The following MAPK8IP3 variants were observed in gnomAD, a reference collection of about 807,000 sequenced individuals.
MAPK8IP3 encodes C-Jun-amino-terminal kinase-interacting protein 3.
A neutral mutation model predicts 157.8 loss-of-function variants in MAPK8IP3; 49 were observed. That is an observed-to-expected ratio of 0.31 (90% confidence interval 0.25 to 0.39). The LOEUF is 0.39. MAPK8IP3 is among the 10% of genes least tolerant of loss of function. The pLI is 1.00. For synonymous variants in MAPK8IP3, 897 were observed against 777.7 expected, an observed-to-expected ratio of 1.15 and a Z score of -2.55; for missense variants, 1,478 against 1,889.4, an observed-to-expected ratio of 0.78 and a Z score of 4.04.
In MAPK8IP3 at chr16:1,741,434, G is replaced by GGA. The variant is rs1567176202; in HGVS notation, c.603-1894_603-1893dup. Among the ~76,000 whole-genome samples the GGA allele has an allele frequency of 6.6e-6, 1 of 152,140 alleles. No individual in the cohort carries two copies. The highest frequency in any genetic ancestry group is 1.5e-5 in the Non-Finnish European group (1 of 68,010). ...GGCCCAGCATGGAGCTGTGTGGGTGGGAGAGCCGTACATGCATTCCCTTGG... is the reference window on the plus strand; with the variant it reads ...GGCCCAGCATGGAGCTGTGTGGGTGGGAGAGAGCCGTACATGCATTCCCTTGG... On this transcript the variant is annotated intron_variant, in intron 4 of 31. Coordinates refer to ENST00000610761, the MANE Select transcript of MAPK8IP3 (RefSeq NM_001318852.2). This position sits in a 1 kb window ranked among gnomAD's most constrained non-coding sequence, Gnocchi z 6.9.
intron 1 of MAPK8IP3, among the ~76,000 whole-genome samples, chr16:1,714,848 G>A (rs2038040648): frequency 6.6e-6 from 1 of 152,066 alleles, no homozygotes; most frequent in South Asian, 2.1e-4. Context: ...CGGAGGTTGG[G>A]GCTGATTAGG....
chr16:1,739,743 ACCGT>A (rs550875899), intron 4 of MAPK8IP3, among the ~76,000 whole-genome samples: 27 of 77,350 alleles, frequency 3.5e-4, no homozygotes, highest in East Asian at 7.6e-4. Flanking sequence ...TGTGTGTGTG[ACCGT>A]CCGTGTGTGA....
At chr16:1,725,900 T>C (rs1341894729) in intron 2 of MAPK8IP3, among the ~76,000 whole-genome samples, 1 of 152,112 alleles carries the variant, frequency 6.6e-6, no homozygotes, top group African/African-American at 2.4e-5. Flanking sequence ...GGTTTCACTG[T>C]GTTAGCCAGG....
chr16:1,768,359 GTTCT>G lies in MAPK8IP3; in HGVS notation c.3726_3729del (p.Phe1242LeufsTer12). The G allele has an allele frequency of 3.1e-6, 5 of 1,602,774 alleles. No individual in the cohort carries two copies. Among genetic ancestry groups the G allele is most frequent in the Non-Finnish European group, 4.2e-6 (5 of 1,179,594 alleles). ...TCCATGGGCACCGCGATGCCGTGAA[GTTCT>G]TTGTCTCGGTGCCAGGTGAGGCTGG... is the stretch of plus-strand genomic sequence containing the variant. On this transcript the variant is annotated frameshift_variant, in exon 30 of 32. Coordinates refer to ENST00000610761, the MANE Select transcript of MAPK8IP3 (RefSeq NM_001318852.2). LOFTEE classifies it high-confidence loss of function.
intron 4 of MAPK8IP3, among the ~76,000 whole-genome samples, chr16:1,737,945 ACTGTCCGTGT>A (rs2040155919): frequency 5.8e-5 from 3 of 51,302 alleles, no homozygotes; most frequent in Non-Finnish European, 7.0e-5. Flanking sequence ...CATCCGTGTG[ACTGTCCGTGT>A]GAGCGTCCGT....
rs934231092 is a variant in MAPK8IP3 at position 1,768,962 on chromosome 16, C to T, written c.*138C>T. 2.8e-5 allele frequency: 28 copies of T among 1,015,646 alleles called. No individual in the cohort carries two copies. The highest frequency in any genetic ancestry group is 7.1e-5 in the Admixed American group (3 of 42,376). The allele number at this position is 1,015,646 out of a possible 1,614,324, so 62.9% of individuals were successfully genotyped here. A position where few individuals can be genotyped will look rare whatever the true frequency, so the allele number is the denominator to read the frequency against. ...CTGCAGCTTTCACCTGAGTCTGGCC[C>T]CTCCAGCGGGCAGGGAGTGCGGGGA... is the stretch of plus-strand genomic sequence containing the variant. On this transcript the variant is annotated 3_prime_UTR_variant, in exon 32 of 32. Coordinates refer to ENST00000610761, the MANE Select transcript of MAPK8IP3 (RefSeq NM_001318852.2).
chr16:1,760,153 A>C (rs2041852250), intron 11 of MAPK8IP3, 138 bp downstream of exon 11: 1 of 1,053,216 alleles, frequency 9.5e-7, no homozygotes. Flanking sequence ...TGGCGGGAGG[A>C]ACTTGGAGCA....
chr16:1,724,169 T>G lies in MAPK8IP3; in HGVS notation c.319-388T>G, dbSNP rs549440646. Among the ~76,000 whole-genome samples the G allele has an allele frequency of 6.6e-6, 1 of 152,346 alleles. No individual in the cohort carries two copies. The highest frequency in any genetic ancestry group is 6.5e-5 in the Admixed American group (1 of 15,308). ...CTCTATGTTCAAAAATTAGCAACAT[T>G]TCAAGATGGCAGCAGCCAAGCCAAG... On this transcript the variant is annotated intron_variant, in intron 1 of 31. Coordinates refer to ENST00000610761, the MANE Select transcript of MAPK8IP3 (RefSeq NM_001318852.2). The surrounding 1 kb of genome is among the most constrained non-coding windows in gnomAD (Gnocchi z 4.1).
chr16:1,763,975 C>T (rs1298215747), intron 17 of MAPK8IP3, 140 bp from the exon 18 acceptor site: 8 of 1,067,098 alleles, frequency 7.5e-6, no homozygotes, highest in Admixed American at 5.7e-5. Context: ...GAAGGAGCCC[C>T]GCGGCTCCCA....
chr16:1,711,803 G>A (rs565888453), intron 1 of MAPK8IP3, among the ~76,000 whole-genome samples: 1 of 152,056 alleles, frequency 6.6e-6, no homozygotes, highest in South Asian at 2.1e-4. Flanking sequence ...AGCTGGGCAT[G>A]GTGATGCACA....
chr16:1,763,868 G>A, intron 17 of MAPK8IP3, 85 bp downstream of exon 17: 1 of 1,002,724 alleles, frequency 1.0e-6, no homozygotes, highest in Non-Finnish European at 1.4e-6. Context: ...GGCGGGGAGA[G>A]GGCGGGGCAG....
chr16:1,766,382 C>A lies in MAPK8IP3; in HGVS notation c.2792C>A (p.Thr931Asn), dbSNP rs1204487690. 2 of 1,611,740 alleles carry A rather than the reference C, an allele frequency of 1.2e-6. No individual in the cohort carries two copies. Among genetic ancestry groups the A allele is most frequent in the Non-Finnish European group, 1.7e-6 (2 of 1,179,322 alleles). ...CACGTCTTCACTGACCCAGCCCCGA[C>A]CCCGTCCTCTGGCCCCCAGCCTGGC... ...TEHVFTDPAP[T>N]PSSGPQPGSE... The change falls in exon 22 of 32, where the codon ACC becomes AAC. Residue 931 changes from threonine to asparagine, a missense_variant. Transcript: ENST00000610761.
intron 8 of MAPK8IP3, chr16:1,752,308 G>A (rs1037411860): frequency 3.5e-5 from 7 of 198,342 alleles, no homozygotes. Flanking sequence ...CACGCCCTCC[G>A]TGCACTCTGG....
intron 4 of MAPK8IP3, among the ~76,000 whole-genome samples, chr16:1,731,922 CT>C (rs1256864910): frequency 7.9e-5 from 12 of 152,194 alleles, no homozygotes; most frequent in Admixed American, 3.3e-4. Context: ...AGTCTTATTC[CT>C]TCCACAGGGT....
Position 1,706,390 on chromosome 16 carries a change from C to A in MAPK8IP3, c.51C>A (p.Asp17Glu). The part of the protein sequence containing the change: ...DEGGGVVVYQ[D>E]DYCSGSVMSE... ...GCGGCGGCGTGGTGGTGTACCAGGA[C>A]GACTACTGCTCCGGCTCGGTGATGT... Residue 17 changes from aspartate to glutamate, a missense_variant, in exon 1 of 32, where the codon GAC (aspartate) becomes GAA (glutamate). Around this residue, in one of 11 missense-constraint regions of MAPK8IP3, gnomAD observed 29 missense variants for 29.8 expected, o/e 0.97. Transcript: ENST00000610761. This position sits in a 1 kb window ranked among gnomAD's most constrained non-coding sequence, Gnocchi z 5.1. 6.2e-7 allele frequency: 1 copy of A among 1,612,562 alleles called. No homozygotes were observed. The highest frequency in any genetic ancestry group is 8.5e-7 in the Non-Finnish European group (1 of 1,179,590).
Position 1,766,312 on chromosome 16 carries a change from A to G in MAPK8IP3, c.2722A>G (p.Ser908Gly). Residue 908 changes from serine to glycine, a missense_variant, in exon 22 of 32, where the codon AGC becomes GGC. By Grantham distance (56) the Ser-to-Gly change is moderately conservative. This residue lies in a region of MAPK8IP3 where 669 missense variants were observed against 759.8 expected (regional missense o/e 0.88). Coordinates refer to ENST00000610761, the MANE Select transcript of MAPK8IP3 (RefSeq NM_001318852.2). ...EATEVPDPGP[S>G]EPETATLRPG... ...CACGGAGGTGCCAGACCCTGGGCCC[A>G]GCGAGCCAGAGACAGCCACATTGCG... 1 of 1,612,724 alleles carries G rather than the reference A, an allele frequency of 6.2e-7. No individual in the cohort carries two copies. Among genetic ancestry groups the G allele is most frequent in the Non-Finnish European group, 8.5e-7 (1 of 1,179,988 alleles).
intron 1 of MAPK8IP3, among the ~76,000 whole-genome samples, chr16:1,720,640 C>T (rs1377509049): frequency 6.6e-6 from 1 of 152,168 alleles, no homozygotes; most frequent in East Asian, 1.9e-4. Context: ...AAAATTTTTT[C>T]TGTTTTTACC....
chr16:1,737,148 G>A (rs1330482264), intron 4 of MAPK8IP3, among the ~76,000 whole-genome samples: 1 of 91,170 alleles, frequency 1.1e-5, no homozygotes, highest in Non-Finnish European at 2.2e-5. Context: ...GTGACCATCC[G>A]TGACCGTCCG....
intron 4 of MAPK8IP3, among the ~76,000 whole-genome samples, chr16:1,739,087 T>C (rs2040383606): frequency 7.3e-6 from 1 of 136,554 alleles, no homozygotes; most frequent in African/African-American, 2.8e-5. Context: ...TGACCATCCA[T>C]GTGAGCATCT....
Sources: allele counts gnomAD v4.1 joint callset (sites outside exome capture counted in the v4.1 genomes callset), GRCh38; gene constraint gnomAD v4.1.1; regional missense constraint gnomAD v4.1.1; non-coding constraint Gnocchi (gnomAD v3.1); transcripts MANE v1.5; gene names NCBI Gene and HGNC (gene_info 2026-07-23, HGNC 2026-07-21).